Variants in ZBTB20 observed in about 807,000 individuals in gnomAD.
ZBTB20 encodes the protein zinc finger and BTB domain containing 20.
ZBTB20 carries 9 observed loss-of-function variants against 56.9 expected under a neutral mutation model. That is an observed-to-expected ratio of 0.16 (90% confidence interval 0.10 to 0.28). ZBTB20 has a LOEUF of 0.28. Ranked by LOEUF, ZBTB20 falls within the 10% of genes least tolerant of loss-of-function variation. The probability of loss-of-function intolerance (pLI) is 1.00; values close to 1 mark genes in which losing one functional copy is unlikely to be tolerated. For synonymous variants in ZBTB20, 417 were observed against 420.7 expected, an observed-to-expected ratio of 0.99 and a Z score of 0.11; for missense variants, 655 against 1,003.0, an observed-to-expected ratio of 0.65 and a Z score of 4.69.
At chr3:114,928,919 T>G (rs1305677433) in intron 3 of ZBTB20, among the ~76,000 whole-genome samples, 1 of 152,220 alleles carries the variant, frequency 6.6e-6, no homozygotes, top group African/African-American at 2.4e-5. Flanking sequence ...TTGCTGGAAT[T>G]ACATTCACTC....
chr3:114,973,959 G>A (rs1397036432), intron 3 of ZBTB20, among the ~76,000 whole-genome samples: 1 of 151,474 alleles, frequency 6.6e-6, no homozygotes, highest in Non-Finnish European at 1.5e-5. Context: ...ATAGTTAATT[G>A]TAAAGCTCTT....
chr3:114,428,937 G>A (rs2089916190), intron 7 of ZBTB20, among the ~76,000 whole-genome samples: 1 of 152,150 alleles, frequency 6.6e-6, no homozygotes, highest in Non-Finnish European at 1.5e-5. Flanking sequence ...TTGGGGCTAT[G>A]AGGAATCCAG....
chr3:114,968,427 G>T (rs2077738256), intron 3 of ZBTB20, among the ~76,000 whole-genome samples: 1 of 152,144 alleles, frequency 6.6e-6, no homozygotes, highest in Admixed American at 6.5e-5. Context: ...ATTTTTGCGA[G>T]TAAAAAGAAT....
intron 4 of ZBTB20, among the ~76,000 whole-genome samples, chr3:114,892,224 C>G (rs1007615254): frequency 6.6e-6 from 1 of 152,174 alleles, no homozygotes; most frequent in Non-Finnish European, 1.5e-5. Flanking sequence ...ATTTTACATT[C>G]CGTCTTGCTA....
chr3:114,956,332 C>T (rs565817300), intron 3 of ZBTB20, among the ~76,000 whole-genome samples: 1 of 152,276 alleles, frequency 6.6e-6, no homozygotes, highest in Admixed American at 6.5e-5. Context: ...AAGATGACAG[C>T]GGAAAATCCC....
intron 3 of ZBTB20, among the ~76,000 whole-genome samples, chr3:114,919,418 A>G (rs1334639448): frequency 2.0e-5 from 3 of 152,156 alleles, no homozygotes; most frequent in Non-Finnish European, 4.4e-5. Context: ...CAAAAGAACT[A>G]CAAAACAGGC....
chr3:115,099,027 T>C (rs1157583637), intron 1 of ZBTB20, among the ~76,000 whole-genome samples: 2 of 152,246 alleles, frequency 1.3e-5, no homozygotes, highest in East Asian at 3.9e-4. Flanking sequence ...AAATCTGAAA[T>C]AAAATTCCAT....
At chr3:114,777,362 G>T (rs1354574765) in intron 5 of ZBTB20, among the ~76,000 whole-genome samples, 1 of 152,006 alleles carries the variant, frequency 6.6e-6, no homozygotes, top group African/African-American at 2.4e-5. Context: ...AAATTAGCCG[G>T]GCATGGTGGT....
intron 7 of ZBTB20, among the ~76,000 whole-genome samples, chr3:114,451,874 G>A (rs2097805359): frequency 6.6e-6 from 1 of 151,762 alleles, no homozygotes; most frequent in Non-Finnish European, 1.5e-5. Context: ...TCACTCTCAG[G>A]TCAGATCCAC....
At position 114,515,166 on chromosome 3, in the gene ZBTB20, A is replaced by G. The variant is rs542757471; in HGVS notation, c.-294-14775T>C. Among the ~76,000 whole-genome samples the G allele has an allele frequency of 1.6e-4, 25 of 152,276 alleles. No homozygotes were observed. The South Asian group carries it at 4.8e-3, about 29-fold the overall frequency. On this transcript the variant is annotated intron_variant, in intron 6 of 11. Coordinates refer to ENST00000675478, the MANE Select transcript of ZBTB20 (RefSeq NM_001348800.3). ...CTTGTTTTGTAAGGCCGGGCTCCTT[A>G]CGGGGACACATATGGCTCCAGAAAA...
chr3:115,007,403 A>G (rs1241931882), intron 2 of ZBTB20, among the ~76,000 whole-genome samples: 1 of 151,836 alleles, frequency 6.6e-6, no homozygotes, highest in African/African-American at 2.4e-5. Flanking sequence ...AATGTGTTTT[A>G]TGTGTTTTTT....
intron 6 of ZBTB20, among the ~76,000 whole-genome samples, chr3:114,610,968 A>T (rs2057506207): frequency 6.6e-6 from 1 of 152,178 alleles, no homozygotes; most frequent in Non-Finnish European, 1.5e-5. Context: ...AAATTTTGGA[A>T]TTGTCCAAAG....
intron 4 of ZBTB20, among the ~76,000 whole-genome samples, chr3:114,830,420 G>A (rs539645763): frequency 8.2e-4 from 125 of 152,072 alleles, no homozygotes; most frequent in Non-Finnish European, 5.3e-4. Context: ...AGAGCTTGGT[G>A]AGCATAAAGT....
intron 6 of ZBTB20, among the ~76,000 whole-genome samples, chr3:114,664,970 A>C (rs1472189828): frequency 2.0e-5 from 3 of 152,094 alleles, no homozygotes; most frequent in Non-Finnish European, 4.4e-5. Context: ...AAGGAATGTA[A>C]AATAAATTAT....
intron 6 of ZBTB20, among the ~76,000 whole-genome samples, chr3:114,526,598 G>A (rs1212867289): frequency 1.3e-5 from 2 of 151,928 alleles, no homozygotes; most frequent in Admixed American, 6.6e-5. Flanking sequence ...TAACAACCAG[G>A]GATTATAATA....
intron 2 of ZBTB20, among the ~76,000 whole-genome samples, chr3:114,980,823 T>C (rs924609171): frequency 6.6e-6 from 1 of 151,990 alleles, no homozygotes; most frequent in African/African-American, 2.4e-5. Flanking sequence ...TGAAGAAAGA[T>C]TGCTGCTTGA....
At chr3:114,488,092 C>A (rs2042335783) in intron 7 of ZBTB20, among the ~76,000 whole-genome samples, 1 of 152,164 alleles carries the variant, frequency 6.6e-6, no homozygotes, top group Non-Finnish European at 1.5e-5. Flanking sequence ...GCCAAATAAA[C>A]ATAAATGTAT....
intron 6 of ZBTB20, chr3:114,625,038 A>G (rs2058574100): frequency 6.5e-6 from 1 of 152,728 alleles, no homozygotes; most frequent in African/African-American, 2.4e-5. Context: ...ATGAGTCAGC[A>G]GTCTCTGGTC....
chr3:114,340,451 T>C (rs2079672586), intron 11 of ZBTB20, among the ~76,000 whole-genome samples: 1 of 152,220 alleles, frequency 6.6e-6, no homozygotes, highest in Non-Finnish European at 1.5e-5. Context: ...TCTCAGCCTG[T>C]TGGCGGAAAC....
Sources: gnomAD v4.1 joint callset for allele counts (sites outside exome capture counted in the v4.1 genomes callset) on GRCh38, gnomAD v4.1.1 for gene constraint, MANE v1.5 for transcripts, NCBI Gene and HGNC (gene_info 2026-07-23, HGNC 2026-07-21) for gene names.